SLC8A1: variants seen among roughly 807,000 people sequenced by gnomAD.
The protein encoded by SLC8A1 is sodium/calcium exchanger 1.
A neutral mutation model predicts 68.3 loss-of-function variants in SLC8A1; 18 were observed. The ratio of observed to expected loss-of-function variants is 0.26; its 90% CI spans 0.18 to 0.39. SLC8A1 has a LOEUF of 0.39. SLC8A1 is among the 10% of genes least tolerant of loss of function. The pLI is 1.00. For synonymous variants in SLC8A1, 475 were observed against 415.5 expected (o/e 1.14, Z -1.74); for missense variants, 985 against 1,156.7 (o/e 0.85, Z 2.15).
intron 2 of SLC8A1, among the ~76,000 whole-genome samples, chr2:40,304,082 A>G (rs2072096217): frequency 6.6e-6 from 1 of 152,210 alleles, no homozygotes; most frequent in African/African-American, 2.4e-5. Context: ...AAAATAACAG[A>G]TGCACAATAT....
intron 2 of SLC8A1, among the ~76,000 whole-genome samples, chr2:40,369,339 T>C (rs1188772278): frequency 6.6e-6 from 1 of 152,118 alleles, no homozygotes; most frequent in Non-Finnish European, 1.5e-5. Flanking sequence ...TTGTTTCTAG[T>C]GTGTCTGCAA....
At position 40,402,602 on chromosome 2, in the gene SLC8A1, G is replaced by T. The variant is rs1286599882; in HGVS notation, c.1808+25871C>A. Among the ~76,000 whole-genome samples, 6 of 152,158 alleles carry T rather than the reference G, an allele frequency of 3.9e-5. 1 individual carries two copies. The highest frequency in any genetic ancestry group is 1.4e-4 in the African/African-American group (6 of 41,432). On this transcript the variant is annotated intron_variant, in intron 2 of 7. Coordinates refer to ENST00000406785, the Ensembl canonical transcript of SLC8A1. ...GTAGGCTTTTATTGATTGAAACATA[G>T]GTGATAAACAGAACTTCAAATTTCC...
chr2:40,298,181 C>A (rs1056002971), intron 2 of SLC8A1, among the ~76,000 whole-genome samples: 43 of 152,168 alleles, frequency 2.8e-4, no homozygotes, highest in African/African-American at 9.7e-4. Flanking sequence ...CATGCCTGGT[C>A]TGTACATCCT....
intron 2 of SLC8A1, among the ~76,000 whole-genome samples, chr2:40,269,580 A>G (rs994905617): frequency 6.6e-6 from 1 of 152,212 alleles, no homozygotes; most frequent in Admixed American, 6.5e-5. Context: ...AGGATGGAAC[A>G]TTACATGATG....
chr2:40,454,287 A>G (rs1702858724), upstream of SLC8A1, among the ~76,000 whole-genome samples: 1 of 152,176 alleles, frequency 6.6e-6, no homozygotes, highest in African/African-American at 2.4e-5. Flanking sequence ...AGAAAGCTAA[A>G]TGAAAATGTG....
At chr2:40,234,764 A>G (rs192423220) in intron 2 of SLC8A1, among the ~76,000 whole-genome samples, 19,287 of 151,916 alleles carry the variant, frequency 0.13, 1,313 homozygotes, top group Non-Finnish European at 0.14. Context: ...ATTATTTTGA[A>G]ATACGTCCCA....
At chr2:40,188,574 G>A (rs1041443641) in intron 2 of SLC8A1, among the ~76,000 whole-genome samples, 5 of 152,298 alleles carry the variant, frequency 3.3e-5, no homozygotes, top group East Asian at 1.9e-4. Flanking sequence ...TCTACCTTTG[G>A]TCTTTCTTCC....
intron 1 of SLC8A1, among the ~76,000 whole-genome samples, chr2:40,463,894 A>T (rs1379966117): frequency 6.6e-6 from 1 of 150,918 alleles, no homozygotes; most frequent in Non-Finnish European, 1.5e-5. Flanking sequence ...ACACATATAT[A>T]TATAGAGAGA....
intron 2 of SLC8A1, among the ~76,000 whole-genome samples, chr2:40,308,990 G>A (rs2073179710): frequency 6.6e-6 from 1 of 152,138 alleles, no homozygotes; most frequent in Admixed American, 6.6e-5. Context: ...GTTAACTGGA[G>A]ATGTTGAAAT....
chr2:40,158,559 T>A (rs2045044814), intron 6 of SLC8A1, among the ~76,000 whole-genome samples: 1 of 152,170 alleles, frequency 6.6e-6, no homozygotes, highest in Admixed American at 6.5e-5. Context: ...TAACAATTCT[T>A]CAAAAGCTCT....
chr2:40,290,087 G>A (rs1348078092), intron 2 of SLC8A1, among the ~76,000 whole-genome samples: 1 of 151,670 alleles, frequency 6.6e-6, no homozygotes, highest in Non-Finnish European at 1.5e-5. Flanking sequence ...AAGGAAGGAG[G>A]AGGAGTTTTT....
chr2:40,335,927 G>T (rs1393760667), intron 2 of SLC8A1, among the ~76,000 whole-genome samples: 1 of 152,178 alleles, frequency 6.6e-6, no homozygotes, highest in Non-Finnish European at 1.5e-5. Flanking sequence ...ACTGCTAGTT[G>T]GTATATGAAC....
chr2:40,193,331 A>G (rs1215465752), intron 2 of SLC8A1, among the ~76,000 whole-genome samples: 4 of 152,092 alleles, frequency 2.6e-5, no homozygotes, highest in South Asian at 2.1e-4. Context: ...TGAGTATCCA[A>G]TTTTTGTGAC....
At chr2:40,447,228 G>A (rs572786472) in intron 1 of SLC8A1, among the ~76,000 whole-genome samples, 12 of 152,176 alleles carry the variant, frequency 7.9e-5, no homozygotes, top group South Asian at 4.2e-4. Context: ...TGATACAGTC[G>A]AATCTATTCA....
At chr2:40,228,078 T>TA (rs1440448874) in intron 2 of SLC8A1, among the ~76,000 whole-genome samples, 1 of 152,200 alleles carries the variant, frequency 6.6e-6, no homozygotes, top group Non-Finnish European at 1.5e-5. Flanking sequence ...TTTATTTAAT[T>TA]AAAAAACCAT....
chr2:40,305,494 C>T (rs757080805), intron 2 of SLC8A1, among the ~76,000 whole-genome samples: 6 of 152,054 alleles, frequency 3.9e-5, no homozygotes, highest in Non-Finnish European at 5.9e-5. Flanking sequence ...AAATTAATAA[C>T]TGAGAGGATG....
intron 2 of SLC8A1, among the ~76,000 whole-genome samples, chr2:40,187,269 A>G (rs2148624897): frequency 6.6e-6 from 1 of 152,312 alleles, no homozygotes; most frequent in African/African-American, 2.4e-5. Flanking sequence ...CTTTTCCTGG[A>G]GCTCCTGCTA....
At chr2:40,214,544 G>C (rs2057154567) in intron 2 of SLC8A1, among the ~76,000 whole-genome samples, 2 of 151,128 alleles carry the variant, frequency 1.3e-5, no homozygotes, top group African/African-American at 2.4e-5. Context: ...CTAGGTTCAA[G>C]TATTCTCCTG....
intron 2 of SLC8A1, among the ~76,000 whole-genome samples, chr2:40,340,432 G>A (rs1463818603): frequency 6.6e-6 from 1 of 152,132 alleles, no homozygotes; most frequent in African/African-American, 2.4e-5. Flanking sequence ...ATGGTGGCAG[G>A]CACCTGTAAT....
Sources: gnomAD v4.1 joint callset for allele counts (sites outside exome capture counted in the v4.1 genomes callset) on GRCh38, gnomAD v4.1.1 for gene constraint, MANE v1.5 for transcripts, NCBI Gene and HGNC (gene_info 2026-07-23, HGNC 2026-07-21) for gene names.